Variants in CD226 observed in about 807,000 individuals in gnomAD.
CD226 encodes the protein CD226 antigen.
CD226 carries 24 observed loss-of-function variants against 34.9 expected under a neutral mutation model. The observed-to-expected ratio is 0.69, with a 90% confidence interval of 0.50 to 0.97. The LOEUF (loss-of-function observed/expected upper bound fraction) is 0.97. CD226 is among the 50% of genes least tolerant of loss of function. The pLI, the probability that CD226 is intolerant of heterozygous loss-of-function variation, is 0.00. For missense variants in CD226, 397 were observed against 412.7 expected (o/e 0.96, Z 0.33); for synonymous variants, 148 against 147.4 (o/e 1.00, Z -0.03).
chr18:69,887,708 T>A (rs1026472136), intron 3 of CD226, among the ~76,000 whole-genome samples: 1 of 152,200 alleles, frequency 6.6e-6, no homozygotes, highest in Non-Finnish European at 1.5e-5. Flanking sequence ...AGTTAATTAA[T>A]TAAAATGCCA....
chr18:69,894,402 G>A (rs1985086479), intron 3 of CD226, among the ~76,000 whole-genome samples: 1 of 192 alleles, frequency 5.2e-3, no homozygotes, highest in Non-Finnish European at 0.012. Context: ...AAGGAAGGAA[G>A]GAAGGAAGGA....
intron 2 of CD226, among the ~76,000 whole-genome samples, chr18:69,906,325 C>T (rs935711080): frequency 3.3e-5 from 5 of 152,134 alleles, no homozygotes; most frequent in East Asian, 1.9e-4. Flanking sequence ...AGTTTTAAAA[C>T]ACACTGCTCA....
At position 69,895,866 on chromosome 18, in the gene CD226, T is replaced by C; in HGVS notation, c.562A>G (p.Thr188Ala). The change falls in exon 3 of 6, where the codon ACC becomes GCC. Residue 188 changes from threonine (T) to alanine (A), a missense_variant. Coordinates refer to ENST00000582621, the MANE Select transcript of CD226 (RefSeq NM_001303618.2). Reference protein sequence around the residue: ...YCNLVHGRNFTSKFPRQIVSN... With the variant: ...YCNLVHGRNFASKFPRQIVSN... ...ACTATTTGTCTTGGGAACTTGGAGG[T>C]GAAATTTCTGCCATGGACCAAGTTG... 4.3e-6 allele frequency: 7 copies of C among 1,614,106 alleles called. No individual in the cohort carries two copies. Among genetic ancestry groups the C allele is most frequent in the Admixed American group, 1.7e-5 (1 of 60,010 alleles).
At chr18:69,953,650 C>T (rs1051883510) in intron 1 of CD226, among the ~76,000 whole-genome samples, 2 of 152,126 alleles carry the variant, frequency 1.3e-5, no homozygotes, top group Non-Finnish European at 2.9e-5. Context: ...CTGATAAAAG[C>T]GGTCATCACA....
intron 2 of CD226, among the ~76,000 whole-genome samples, chr18:69,943,097 G>T (rs1234135502): frequency 6.6e-6 from 1 of 152,142 alleles, no homozygotes; most frequent in Non-Finnish European, 1.5e-5. Context: ...CTACCACCCT[G>T]AACCTCAGTG....
At chr18:69,904,816 C>T (rs1003482068) in intron 2 of CD226, among the ~76,000 whole-genome samples, 3 of 152,052 alleles carry the variant, frequency 2.0e-5, no homozygotes, top group Non-Finnish European at 4.4e-5. Context: ...CCAATTGGCC[C>T]CCCAGGTTAG....
chr18:69,922,482 T>C (rs1292710371), intron 2 of CD226, among the ~76,000 whole-genome samples: 1 of 152,146 alleles, frequency 6.6e-6, no homozygotes, highest in Non-Finnish European at 1.5e-5. Flanking sequence ...AGTCTCACTA[T>C]GTTACCCAGG....
chr18:69,927,994 TAAC>T (rs370083422), intron 2 of CD226, among the ~76,000 whole-genome samples: 1 of 152,194 alleles, frequency 6.6e-6, no homozygotes, highest in African/African-American at 2.4e-5. Flanking sequence ...AGTGGTAAAA[TAAC>T]AAACTAGTGG....
chr18:69,941,927 T>G (rs982631102), intron 2 of CD226, among the ~76,000 whole-genome samples: 1 of 151,884 alleles, frequency 6.6e-6, no homozygotes. Context: ...CGGTGGGAGG[T>G]AGCTGAATCA....
At chr18:69,948,053 C>T (rs1452593293), upstream of CD226, among the ~76,000 whole-genome samples, 1 of 152,112 alleles carries the variant, frequency 6.6e-6, no homozygotes, top group African/African-American at 2.4e-5. Context: ...TGGCCCAGGG[C>T]ATATGCAGAT....
intron 3 of CD226, among the ~76,000 whole-genome samples, chr18:69,888,853 T>C (rs1984716764): frequency 6.6e-6 from 1 of 152,176 alleles, no homozygotes; most frequent in Non-Finnish European, 1.5e-5. Context: ...TGTAACCTTT[T>C]AGAGTTTCAT....
At chr18:69,874,402 C>T (rs1313495001) in intron 3 of CD226, among the ~76,000 whole-genome samples, 1 of 152,220 alleles carries the variant, frequency 6.6e-6, no homozygotes, top group Non-Finnish European at 1.5e-5. Flanking sequence ...AGAATCCCAT[C>T]AACATCTGCT....
Position 69,895,061 on chromosome 18 carries a change from G to A in CD226, c.727+640C>T, listed in dbSNP as rs538995745. Among the ~76,000 whole-genome samples the A allele has an allele frequency of 2.0e-5, 3 of 152,298 alleles. No individual in the cohort carries two copies. The East Asian group carries it at 5.8e-4, about 29-fold the overall frequency. On this transcript the variant is annotated intron_variant, in intron 3 of 5. Coordinates refer to ENST00000582621, the MANE Select transcript of CD226 (RefSeq NM_001303618.2). ...TCAGTAATGGTCACCAAAGATCTAAGTCAGTGGTTCTTATAGTATGTTTGG... is the reference window on the plus strand; with the variant it reads ...TCAGTAATGGTCACCAAAGATCTAAATCAGTGGTTCTTATAGTATGTTTGG...
chr18:69,947,760 T>G lies in CD226; in HGVS notation c.-354A>C. On this transcript the variant is annotated 5_prime_UTR_variant, in exon 1 of 6. Transcript: ENST00000582621. ...ACAATAATACAAAAAAAAAAAAATA[T>G]TGCCATGATAGAACTTACATTCTAT... 1 of 171,104 alleles carries G rather than the reference T, an allele frequency of 5.8e-6. No homozygotes were observed. The allele number at this position is 171,104 out of a possible 1,614,324, so 10.6% of individuals were successfully genotyped here.
At chr18:69,953,914 C>G (rs962220908) in intron 1 of CD226, among the ~76,000 whole-genome samples, 1 of 151,314 alleles carries the variant, frequency 6.6e-6, no homozygotes, top group Non-Finnish European at 1.5e-5. Context: ...ACAGGAGAAT[C>G]GCTTGAACCC....
intron 2 of CD226, among the ~76,000 whole-genome samples, chr18:69,911,689 C>A (rs2055327137): frequency 6.6e-6 from 1 of 152,184 alleles, no homozygotes; most frequent in African/African-American, 2.4e-5. Flanking sequence ...CTCTTTTCAC[C>A]ACACTTATCT....
Position 69,856,378 on chromosome 18 carries a change from A to G in CD226, c.*7936T>C, listed in dbSNP as rs1325268658. 6.6e-6 allele frequency: 1 copy of G among 152,236 alleles called. No individual in the cohort carries two copies. Among genetic ancestry groups the G allele is most frequent in the Non-Finnish European group, 1.5e-5 (1 of 68,030 alleles). The allele number at this position is 152,236 out of a possible 1,614,324, so 9.4% of individuals were successfully genotyped here. Reference sequence around the variant, plus strand: ...GTCTTTAACGAGACTTGATCACTTGATCTGTCAGTATGTGATAGATCAAGA... The same window carrying G: ...GTCTTTAACGAGACTTGATCACTTGGTCTGTCAGTATGTGATAGATCAAGA... On this transcript the variant is annotated 3_prime_UTR_variant, in exon 6 of 6. Transcript: ENST00000582621.
chr18:69,924,718 A>G (rs1482311793), intron 2 of CD226, among the ~76,000 whole-genome samples: 1 of 148,274 alleles, frequency 6.7e-6, no homozygotes, highest in Non-Finnish European at 1.5e-5. Flanking sequence ...AAAAAGAATC[A>G]TTCAAACTGG....
chr18:69,873,686 A>G (rs995854776), intron 3 of CD226, among the ~76,000 whole-genome samples: 3 of 152,176 alleles, frequency 2.0e-5, no homozygotes, highest in African/African-American at 7.2e-5. Flanking sequence ...CATGGGCAAC[A>G]TGGTGAAACC....
Sources: gnomAD v4.1 joint callset for allele counts (sites outside exome capture counted in the v4.1 genomes callset) on GRCh38, gnomAD v4.1.1 for gene constraint, MANE v1.5 for transcripts, NCBI Gene and HGNC (gene_info 2026-07-23, HGNC 2026-07-21) for gene names.